Variants in TBC1D5 observed in about 807,000 individuals in gnomAD.
TBC1D5 encodes the protein TBC1 domain family, member 5.
TBC1D5 carries 75 observed loss-of-function variants against 100.3 expected under a neutral mutation model. The ratio of observed to expected loss-of-function variants is 0.75; its 90% CI spans 0.62 to 0.91. The LOEUF (loss-of-function observed/expected upper bound fraction) is 0.91, where lower values mean the gene tolerates loss of function less well. Ranked by LOEUF, TBC1D5 falls within the 40% of genes least tolerant of loss-of-function variation. TBC1D5 has a pLI of 0.00. For missense variants in TBC1D5, 910 were observed against 942.4 expected, an observed-to-expected ratio of 0.97 and a Z score of 0.45; for synonymous variants, 323 against 325.6, an observed-to-expected ratio of 0.99 and a Z score of 0.09.
intron 17 of TBC1D5, among the ~76,000 whole-genome samples, chr3:17,223,501 C>G (rs1314369309): frequency 6.6e-6 from 1 of 152,132 alleles, no homozygotes; most frequent in African/African-American, 2.4e-5. Context: ...AATTCACTTG[C>G]TCAAGAACAC....
At chr3:17,323,743 T>C (rs972029473) in intron 13 of TBC1D5, among the ~76,000 whole-genome samples, 4 of 152,202 alleles carry the variant, frequency 2.6e-5, no homozygotes, top group Admixed American at 2.6e-4. Context: ...TGTTAAGATT[T>C]CTATTTTCCT....
intron 13 of TBC1D5, among the ~76,000 whole-genome samples, chr3:17,349,443 A>G (rs1442627146): frequency 1.3e-5 from 2 of 152,168 alleles, no homozygotes; most frequent in African/African-American, 4.8e-5. Flanking sequence ...TAAAATAACT[A>G]ATTACTACTT....
chr3:17,438,279 A>G (rs1250911525), intron 3 of TBC1D5, among the ~76,000 whole-genome samples: 1 of 152,200 alleles, frequency 6.6e-6, no homozygotes, highest in African/African-American at 2.4e-5. Flanking sequence ...GTATTTGAAA[A>G]TATTTCTTTA....
At chr3:17,416,573 C>T (rs2094078782) in intron 4 of TBC1D5, among the ~76,000 whole-genome samples, 1 of 152,130 alleles carries the variant, frequency 6.6e-6, no homozygotes, top group African/African-American at 2.4e-5. Flanking sequence ...TTAAATAATA[C>T]ATGTGGTTAA....
intron 2 of TBC1D5, among the ~76,000 whole-genome samples, chr3:17,535,072 A>G (rs2096269535): frequency 6.6e-6 from 1 of 152,182 alleles, no homozygotes; most frequent in Non-Finnish European, 1.5e-5. Context: ...GTAACAATAT[A>G]GTTTAAACTT....
At chr3:17,262,554 T>C (rs373756608) in intron 15 of TBC1D5, among the ~76,000 whole-genome samples, 1 of 147,352 alleles carries the variant, frequency 6.8e-6, no homozygotes, top group Admixed American at 6.9e-5. Context: ...CGATCTCGGC[T>C]CACTGCAAGC....
At position 17,297,314 on chromosome 3, in the gene TBC1D5, C is replaced by T. The variant is rs142126844; in HGVS notation, c.1139-5313G>A. Among the ~76,000 whole-genome samples the T allele has an allele frequency of 3.9e-3, 591 of 152,300 alleles. 6 individuals are homozygous for T. Among genetic ancestry groups the T allele is most frequent in the African/African-American group, 0.013 (544 of 41,554 alleles). ...TTTCTTGGCTAGGCGTGGTGGCTCA[C>T]GCCTGTAATCCCAGAACTTTGGAAG... On this transcript the variant is annotated intron_variant, in intron 14 of 21. Transcript: ENST00000253692.
At chr3:17,452,164 A>T (rs1576046962) in intron 3 of TBC1D5, among the ~76,000 whole-genome samples, 1 of 152,184 alleles carries the variant, frequency 6.6e-6, no homozygotes. Context: ...CATACAATGG[A>T]TACACAAAAA....
intron 2 of TBC1D5, among the ~76,000 whole-genome samples, chr3:17,590,003 T>C (rs2096756308): frequency 6.6e-6 from 1 of 152,182 alleles, no homozygotes; most frequent in South Asian, 2.1e-4. Flanking sequence ...AGTATTCCAG[T>C]ATGGGGCACA....
At chr3:17,346,431 C>T (rs1288127925) in intron 13 of TBC1D5, among the ~76,000 whole-genome samples, 1 of 152,044 alleles carries the variant, frequency 6.6e-6, no homozygotes, top group Non-Finnish European at 1.5e-5. Context: ...GCCCATTTTT[C>T]TATTCAGTTA....
At chr3:17,584,677 GTATT>G (rs1354171310) in intron 2 of TBC1D5, among the ~76,000 whole-genome samples, 3 of 152,030 alleles carry the variant, frequency 2.0e-5, no homozygotes, top group African/African-American at 4.8e-5. Flanking sequence ...GTTGACTTAC[GTATT>G]TATTTATTTT....
intron 13 of TBC1D5, among the ~76,000 whole-genome samples, chr3:17,363,203 C>T (rs993979374): frequency 6.6e-6 from 1 of 152,002 alleles, no homozygotes; most frequent in Admixed American, 6.6e-5. Flanking sequence ...TGTATTATTT[C>T]TCATTTCATG....
intron 18 of TBC1D5, among the ~76,000 whole-genome samples, chr3:17,210,367 TA>T (rs1398238404): frequency 6.6e-6 from 1 of 152,032 alleles, no homozygotes; most frequent in East Asian, 1.9e-4. Flanking sequence ...TCTGTATTTT[TA>T]GTAGCGATGG....
intron 16 of TBC1D5, among the ~76,000 whole-genome samples, chr3:17,239,173 C>A (rs2076111014): frequency 6.6e-6 from 1 of 152,100 alleles, no homozygotes; most frequent in African/African-American, 2.4e-5. Flanking sequence ...TACTATATTG[C>A]CATTGTCTGG....
intron 14 of TBC1D5, among the ~76,000 whole-genome samples, chr3:17,293,631 T>C (rs964612864): frequency 1.3e-5 from 2 of 152,202 alleles, no homozygotes; most frequent in African/African-American, 4.8e-5. Context: ...TTGAAAAAAT[T>C]TATTTGACTG....
intron 2 of TBC1D5, among the ~76,000 whole-genome samples, chr3:17,553,075 T>A (rs1431226250): frequency 2.0e-5 from 3 of 152,126 alleles, no homozygotes; most frequent in Admixed American, 6.5e-5. Flanking sequence ...TTACTCTTTA[T>A]TAGATTAACA....
At chr3:17,164,415 T>C (rs887489970) in intron 21 of TBC1D5, among the ~76,000 whole-genome samples, 2 of 152,208 alleles carry the variant, frequency 1.3e-5, no homozygotes, top group African/African-American at 2.4e-5. Flanking sequence ...ACCCAACATG[T>C]GGTGCTTACA....
chr3:17,218,765 G>C (rs926116542), intron 17 of TBC1D5, among the ~76,000 whole-genome samples: 2 of 151,978 alleles, frequency 1.3e-5, no homozygotes, highest in Non-Finnish European at 2.9e-5. Context: ...TTGATGAGAA[G>C]TCAGCTGTCA....
intron 3 of TBC1D5, among the ~76,000 whole-genome samples, chr3:17,435,033 C>A (rs565847470): frequency 6.6e-6 from 1 of 152,340 alleles, no homozygotes; most frequent in East Asian, 1.9e-4. Context: ...AAAAGTTCCT[C>A]ATTTCCATCT....
Sources: allele counts gnomAD v4.1 joint callset (sites outside exome capture counted in the v4.1 genomes callset), GRCh38; gene constraint gnomAD v4.1.1; transcripts MANE v1.5; gene names NCBI Gene and HGNC (gene_info 2026-07-23, HGNC 2026-07-21).